The following ESR1 variants were observed in gnomAD, a reference collection of about 807,000 sequenced individuals.
The protein encoded by ESR1 is estrogen receptor 1, also known as estrogen receptor.
Under a neutral mutation model 52.7 loss-of-function variants are expected in ESR1, and 12 were observed. The observed-to-expected ratio is 0.23, with a 90% confidence interval of 0.15 to 0.37. The LOEUF is 0.37. Ranked by LOEUF, ESR1 falls within the 10% of genes least tolerant of loss-of-function variation. ESR1 has a pLI of 1.00. For missense variants in ESR1, 584 were observed against 779.7 expected, an observed-to-expected ratio of 0.75 and a Z score of 2.99; for synonymous variants, 305 against 316.8, an observed-to-expected ratio of 0.96 and a Z score of 0.39.
Position 152,079,731 on chromosome 6 carries a change from C to A in ESR1, c.1370-14654C>A, listed in dbSNP as rs900493337. On this transcript the variant is annotated intron_variant, in intron 6 of 7. Coordinates refer to ENST00000206249, the MANE Select transcript of ESR1 (RefSeq NM_000125.4). ...CATGTTCTAACCCATCGCAAGGAGG[C>A]TAAAAACCTTGAAAAAAGGTTAGAT... 1.3e-4 allele frequency among the ~76,000 whole-genome samples: 20 copies of A among 152,204 alleles called. 1 individual carries two copies. The highest frequency in any genetic ancestry group is 1.1e-3 in the Admixed American group (17 of 15,282).
intron 4 of ESR1, among the ~76,000 whole-genome samples, chr6:151,996,331 C>T (rs1241219330): frequency 6.6e-6 from 1 of 152,066 alleles, no homozygotes; most frequent in East Asian, 1.9e-4. Flanking sequence ...GCCAGGGGGA[C>T]CTCCCACTGT....
intron 2 of ESR1, among the ~76,000 whole-genome samples, chr6:151,761,673 T>C (rs993588785): frequency 6.6e-6 from 1 of 152,242 alleles, no homozygotes; most frequent in Non-Finnish European, 1.5e-5. Context: ...CCTCAATAAA[T>C]GCTAGCTATC....
intron 3 of ESR1, among the ~76,000 whole-genome samples, chr6:151,886,702 GC>G (rs1793900354): frequency 6.6e-6 from 1 of 152,148 alleles, no homozygotes; most frequent in South Asian, 2.1e-4. Flanking sequence ...CCTGGGGACT[GC>G]GATTGGAATC....
At chr6:151,673,808 G>T (rs1014688183) in intron 1 of ESR1, among the ~76,000 whole-genome samples, 1 of 152,034 alleles carries the variant, frequency 6.6e-6, no homozygotes, top group African/African-American at 2.4e-5. Context: ...CTTGAGCCCA[G>T]GAAATTGAGG....
chr6:151,713,180 G>A (rs560917792), intron 2 of ESR1, among the ~76,000 whole-genome samples: 1 of 152,296 alleles, frequency 6.6e-6, no homozygotes, highest in South Asian at 2.1e-4. Flanking sequence ...GCATCCCAGG[G>A]ATGAAGCTGA....
At chr6:151,745,112 T>G (rs1783389424) in intron 2 of ESR1, among the ~76,000 whole-genome samples, 1 of 152,208 alleles carries the variant, frequency 6.6e-6, no homozygotes, top group Non-Finnish European at 1.5e-5. Context: ...GTCCTTTCCT[T>G]AATAAAAAAA....
upstream of ESR1, among the ~76,000 whole-genome samples, chr6:151,803,402 T>C (rs577092957): frequency 2.0e-5 from 3 of 152,188 alleles, no homozygotes; most frequent in African/African-American, 7.2e-5. Context: ...AAAGTGGGGA[T>C]TTAAGGTAGA....
chr6:151,859,031 G>A (rs1788400584), intron 2 of ESR1, among the ~76,000 whole-genome samples: 1 of 152,176 alleles, frequency 6.6e-6, no homozygotes, highest in Non-Finnish European at 1.5e-5. Flanking sequence ...AGTAGTCACT[G>A]TGCAGCTATC....
intron 2 of ESR1, among the ~76,000 whole-genome samples, chr6:151,768,285 C>T (rs971545441): frequency 1.3e-5 from 2 of 152,148 alleles, no homozygotes; most frequent in Non-Finnish European, 2.9e-5. Context: ...GGAGAAACAA[C>T]CTCATTCTTG....
At chr6:151,803,767 A>C (rs1478838923), upstream of ESR1, among the ~76,000 whole-genome samples, 1 of 152,152 alleles carries the variant, frequency 6.6e-6, no homozygotes, top group Non-Finnish European at 1.5e-5. Context: ...AGGCTTAGGA[A>C]TTGCCTCTTG....
intron 3 of ESR1, among the ~76,000 whole-genome samples, chr6:151,890,764 G>A (rs1794592380): frequency 6.6e-6 from 1 of 151,984 alleles, no homozygotes; most frequent in African/African-American, 2.4e-5. Flanking sequence ...TTTATAGTTT[G>A]TGACTTAAAG....
chr6:151,883,135 T>A (rs906507842), intron 3 of ESR1, among the ~76,000 whole-genome samples: 4 of 151,882 alleles, frequency 2.6e-5, no homozygotes, highest in Admixed American at 6.6e-5. Context: ...TTTTTTTTTT[T>A]GAGAGATGGA....
At chr6:151,699,453 A>G (rs1428572962) in intron 1 of ESR1, among the ~76,000 whole-genome samples, 1 of 152,220 alleles carries the variant, frequency 6.6e-6, no homozygotes, top group Non-Finnish European at 1.5e-5. Context: ...TATCAAAACT[A>G]TTCTCAGCGG....
In ESR1 at chr6:152,052,265, A is replaced by G. The variant is rs1585017700; in HGVS notation, c.1236-8726A>G. Reference sequence around the variant, plus strand: ...CAGTTGTGAGGGATCCACCCCGAACACCTCCCACCATGCCCCACCTCCAAC... The same window carrying G: ...CAGTTGTGAGGGATCCACCCCGAACGCCTCCCACCATGCCCCACCTCCAAC... On this transcript the variant is annotated intron_variant, in intron 5 of 7. Transcript: ENST00000206249. 2.0e-5 allele frequency among the ~76,000 whole-genome samples: 3 copies of G among 152,004 alleles called. 1 individual carries two copies. In the South Asian group the frequency reaches 6.2e-4, roughly 32 times the overall value.
chr6:151,818,803 A>G (rs1461822291), intron 1 of ESR1, among the ~76,000 whole-genome samples: 1 of 140,694 alleles, frequency 7.1e-6, no homozygotes, highest in Non-Finnish European at 1.5e-5. Context: ...GTATATACAC[A>G]TATATACACA....
intron 2 of ESR1, among the ~76,000 whole-genome samples, chr6:151,794,203 C>CT (rs1776472795): frequency 6.6e-6 from 1 of 152,094 alleles, no homozygotes; most frequent in Non-Finnish European, 1.5e-5. Context: ...AATATAAGAC[C>CT]TTTTCTTTCC....
At chr6:152,122,793 C>A in intron 6 of ESR1, 3 of 1,514,442 alleles carry the variant, frequency 2.0e-6, no homozygotes, top group Non-Finnish European at 2.7e-6. Context: ...CCCAGCCTGG[C>A]GATCAGCTGC....
intron 3 of ESR1, among the ~76,000 whole-genome samples, chr6:151,942,651 T>TAC (rs1292528802): frequency 2.0e-5 from 3 of 151,156 alleles, no homozygotes; most frequent in Non-Finnish European, 4.4e-5. Context: ...ATATAAAACA[T>TAC]ATATATATTT....
At chr6:151,935,059 C>G (rs1203068611) in intron 3 of ESR1, among the ~76,000 whole-genome samples, 1 of 152,178 alleles carries the variant, frequency 6.6e-6, no homozygotes, top group African/African-American at 2.4e-5. Flanking sequence ...GGGTTCAAAC[C>G]CCAGCTTCAT....
Sources: gnomAD v4.1 joint callset for allele counts (sites outside exome capture counted in the v4.1 genomes callset) on GRCh38, gnomAD v4.1.1 for gene constraint, MANE v1.5 for transcripts, NCBI Gene and HGNC (gene_info 2026-07-23, HGNC 2026-07-21) for gene names.